The following RBFOX3 variants were observed in gnomAD, a reference collection of about 807,000 sequenced individuals.
RBFOX3 encodes RNA binding fox-1 homolog 3.
RBFOX3 carries 17 observed loss-of-function variants against 48.7 expected under a neutral mutation model. The observed-to-expected ratio is 0.35, with a 90% confidence interval of 0.24 to 0.52. The LOEUF (loss-of-function observed/expected upper bound fraction) is 0.52, where lower values mean the gene tolerates loss of function less well. Among genes scored for constraint, RBFOX3 ranks in the 20% least tolerant of loss-of-function variants. The pLI, the probability that RBFOX3 is intolerant of heterozygous loss-of-function variation, is 0.94. For missense variants in RBFOX3, 382 were observed against 497.5 expected (o/e 0.77, Z 2.21); for synonymous variants, 212 against 209.5 (o/e 1.01, Z -0.10).
At chr17:79,187,625 G>A (rs952936522) in intron 4 of RBFOX3, among the ~76,000 whole-genome samples, 4 of 152,268 alleles carry the variant, frequency 2.6e-5, no homozygotes, top group Admixed American at 6.5e-5. Context: ...GGATGTGTGC[G>A]TGCCTGTGTG....
intron 1 of RBFOX3, among the ~76,000 whole-genome samples, chr17:79,542,772 G>A (rs1241376480): frequency 6.6e-6 from 1 of 152,112 alleles, no homozygotes; most frequent in African/African-American, 2.4e-5. Context: ...AACAGAGCGG[G>A]ACTCCATCTC....
At chr17:79,464,486 C>T (rs1197175951) in intron 2 of RBFOX3, among the ~76,000 whole-genome samples, 7 of 152,330 alleles carry the variant, frequency 4.6e-5, no homozygotes, top group East Asian at 1.9e-4. Context: ...GTACATCTGT[C>T]GGGGCGGCCC....
At chr17:79,475,381 G>T (rs2077585593) in intron 2 of RBFOX3, among the ~76,000 whole-genome samples, 1 of 152,152 alleles carries the variant, frequency 6.6e-6, no homozygotes, top group Admixed American at 6.5e-5. Flanking sequence ...CAGTGTCTGG[G>T]TGAGATCAGG....
chr17:79,331,854 A>G (rs929991691), intron 2 of RBFOX3, among the ~76,000 whole-genome samples: 4 of 152,056 alleles, frequency 2.6e-5, no homozygotes, highest in Non-Finnish European at 5.9e-5. Flanking sequence ...ATTTTTCTCA[A>G]TGCCCCTGGA....
At chr17:79,263,232 G>A (rs547700181) in intron 3 of RBFOX3, among the ~76,000 whole-genome samples, 9 of 152,254 alleles carry the variant, frequency 5.9e-5, no homozygotes, top group South Asian at 2.1e-4. Flanking sequence ...AGGCTAGAGG[G>A]AGAACACAGC....
chr17:79,442,893 C>T (rs2071440653), intron 2 of RBFOX3, among the ~76,000 whole-genome samples: 1 of 152,192 alleles, frequency 6.6e-6, no homozygotes, highest in African/African-American at 2.4e-5. Flanking sequence ...TGATTCCACT[C>T]CTTGCTTCTG....
the RBFOX3 span, among the ~76,000 whole-genome samples, chr17:79,656,651 GAAAGGAA>G: frequency 3.0e-5 from 4 of 135,262 alleles, no homozygotes; most frequent in African/African-American, 1.2e-4. Context: ...AGAGAAGAAA[GAAAGGAA>G]GAGAAGAAAG....
chr17:79,174,996 C>T (rs1042623764), intron 4 of RBFOX3, among the ~76,000 whole-genome samples: 7 of 152,220 alleles, frequency 4.6e-5, no homozygotes, highest in Non-Finnish European at 8.8e-5. Flanking sequence ...TGCCCCTCTC[C>T]GAGGCCCCCG....
At chr17:79,158,012 G>A (rs1012603509) in intron 4 of RBFOX3, among the ~76,000 whole-genome samples, 10 of 152,204 alleles carry the variant, frequency 6.6e-5, no homozygotes, top group Admixed American at 3.3e-4. Flanking sequence ...GTGGCTGTGC[G>A]TGGAGACGGG....
At chr17:79,225,092 C>A (rs2060160122) in intron 4 of RBFOX3, among the ~76,000 whole-genome samples, 1 of 152,166 alleles carries the variant, frequency 6.6e-6, no homozygotes, top group Non-Finnish European at 1.5e-5. Context: ...CACACGTCAC[C>A]TATGCAAAAC....
chr17:79,251,047 C>A (rs1454312129), intron 3 of RBFOX3, among the ~76,000 whole-genome samples: 1 of 152,050 alleles, frequency 6.6e-6, no homozygotes, highest in Non-Finnish European at 1.5e-5. Flanking sequence ...AGGTGACCCA[C>A]CTGCCTCTGC....
intron 2 of RBFOX3, among the ~76,000 whole-genome samples, chr17:79,377,975 G>C (rs985459514): frequency 2.0e-5 from 3 of 152,210 alleles, no homozygotes; most frequent in Middle Eastern, 3.2e-3. Flanking sequence ...TTAGGTTAGG[G>C]AAAGTGTCTT....
intron 1 of RBFOX3, among the ~76,000 whole-genome samples, chr17:79,543,457 A>G (rs2089992566): frequency 6.6e-6 from 1 of 151,486 alleles, no homozygotes; most frequent in Non-Finnish European, 1.5e-5. Context: ...GACAAGCAGG[A>G]CCCCCTTGGA....
At chr17:79,323,557 C>T (rs571913994) in intron 2 of RBFOX3, among the ~76,000 whole-genome samples, 1 of 152,346 alleles carries the variant, frequency 6.6e-6, no homozygotes, top group South Asian at 2.1e-4. Flanking sequence ...GCAGCTGAGG[C>T]CACCAACAGA....
chr17:79,178,038 C>T (rs1254877955), intron 4 of RBFOX3, among the ~76,000 whole-genome samples: 3 of 152,326 alleles, frequency 2.0e-5, no homozygotes, highest in South Asian at 2.1e-4. Flanking sequence ...CTGAGCAACC[C>T]GCCGATCCTC....
chr17:79,496,654 G>A (rs755934856), intron 1 of RBFOX3, among the ~76,000 whole-genome samples: 82 of 152,286 alleles, frequency 5.4e-4, no homozygotes, highest in Non-Finnish European at 1.0e-3. Flanking sequence ...CAGCAGCAGA[G>A]GGGTTTGAGG....
chr17:79,484,715 G>A (rs1003497993), intron 1 of RBFOX3, among the ~76,000 whole-genome samples: 23 of 152,100 alleles, frequency 1.5e-4, no homozygotes, highest in Admixed American at 6.5e-5. Flanking sequence ...GCTTCTCTGC[G>A]ACCTAAGTGC....
At chr17:79,619,460 G>A in the RBFOX3 span, among the ~76,000 whole-genome samples, 1 of 152,146 alleles carries the variant, frequency 6.6e-6, no homozygotes, top group African/African-American at 2.4e-5. Flanking sequence ...TTGTGGCTGC[G>A]TCTCTCTGAC....
chr17:79,399,204 A>G lies in RBFOX3; in HGVS notation c.-175+83250T>C, dbSNP rs187501626. On this transcript the variant is annotated intron_variant, in intron 2 of 14. Transcript: ENST00000693108. Reference sequence around the variant, plus strand: ...TTGGGCTTCTGACCTCCAGAATGTTAAAAAAAAATCTTGTGTTTCCAGCCA... The same window carrying G: ...TTGGGCTTCTGACCTCCAGAATGTTGAAAAAAAATCTTGTGTTTCCAGCCA... Among the ~76,000 whole-genome samples, 4 of 151,736 alleles carry G rather than the reference A, an allele frequency of 2.6e-5. No homozygotes were observed. In the East Asian group the frequency reaches 7.8e-4, roughly 29 times the overall value.
Sources: gnomAD v4.1 joint callset for allele counts (sites outside exome capture counted in the v4.1 genomes callset) on GRCh38, gnomAD v4.1.1 for gene constraint, MANE v1.5 for transcripts, NCBI Gene and HGNC (gene_info 2026-07-23, HGNC 2026-07-21) for gene names.